Variants in NDST4 observed in about 807,000 individuals in gnomAD.
The protein encoded by NDST4 is N-deacetylase and N-sulfotransferase 4.
Under a neutral mutation model 100.8 loss-of-function variants are expected in NDST4, and 63 were observed. That is an observed-to-expected ratio of 0.62 (90% confidence interval 0.51 to 0.77). The LOEUF (loss-of-function observed/expected upper bound fraction) is 0.77, where lower values mean the gene tolerates loss of function less well. Among genes scored for constraint, NDST4 ranks in the 30% least tolerant of loss-of-function variants. The pLI is 0.00. For synonymous variants in NDST4, 377 were observed against 361.8 expected, an observed-to-expected ratio of 1.04 and a Z score of -0.48; for missense variants, 943 against 1,018.4, an observed-to-expected ratio of 0.93 and a Z score of 1.01.
intron 4 of NDST4, among the ~76,000 whole-genome samples, chr4:114,943,517 C>T (rs114193157): frequency 1.3e-5 from 2 of 152,136 alleles, no homozygotes; most frequent in African/African-American, 4.8e-5. Context: ...ACGTTTGGGG[C>T]CTTATAGTCT....
intron 9 of NDST4, 48 bp from the exon 10 acceptor site, chr4:114,846,045 G>T (rs1271592117): frequency 7.2e-7 from 1 of 1,381,308 alleles, no homozygotes; most frequent in Non-Finnish European, 1.0e-6. Context: ...AATTTTTCTT[G>T]CCATATTCTG....
intron 2 of NDST4, among the ~76,000 whole-genome samples, chr4:114,984,166 T>C (rs1560843804): frequency 2.0e-5 from 3 of 151,288 alleles, no homozygotes; most frequent in Admixed American, 6.6e-5. Context: ...ATTTATTTAT[T>C]TATTTATTTA....
chr4:115,051,490 C>T (rs1728582448), intron 2 of NDST4, among the ~76,000 whole-genome samples: 1 of 152,000 alleles, frequency 6.6e-6, no homozygotes, highest in Admixed American at 6.6e-5. Flanking sequence ...TTTAATTTGC[C>T]ACATATGAGT....
At chr4:114,896,618 G>A (rs887527466) in intron 6 of NDST4, among the ~76,000 whole-genome samples, 2 of 121,932 alleles carry the variant, frequency 1.6e-5, no homozygotes, top group Non-Finnish European at 3.3e-5. Context: ...GTGAGACTCC[G>A]TCTCAAAAAA....
At chr4:115,099,926 G>C (rs1271581502) in intron 1 of NDST4, among the ~76,000 whole-genome samples, 1 of 152,090 alleles carries the variant, frequency 6.6e-6, no homozygotes, top group Non-Finnish European at 1.5e-5. Context: ...CCATCAAAAA[G>C]TGAATGAATA....
Position 114,908,719 on chromosome 4 carries a change from G to A in NDST4, c.1536+26487C>T, listed in dbSNP as rs747044598. Among the ~76,000 whole-genome samples, 14 of 152,234 alleles carry A rather than the reference G, an allele frequency of 9.2e-5. 1 individual carries two copies. In the South Asian group the frequency reaches 2.5e-3, roughly 27 times the overall value. ...AAAAAATTGAGTAAAATCAAGAAAC[G>A]TGTTAGCACACATATATACACGTAC... On this transcript the variant is annotated intron_variant, in intron 6 of 13. Transcript: ENST00000264363.
At chr4:114,979,301 T>G (rs1443034693) in intron 2 of NDST4, among the ~76,000 whole-genome samples, 1 of 151,490 alleles carries the variant, frequency 6.6e-6, no homozygotes, top group Non-Finnish European at 1.5e-5. Context: ...ATTTTTGACT[T>G]TATTGCATCC....
intron 1 of NDST4, among the ~76,000 whole-genome samples, chr4:115,112,074 T>C: frequency 6.6e-6 from 1 of 151,162 alleles, no homozygotes; most frequent in East Asian, 2.0e-4. Context: ...ATAAACTTGC[T>C]ACTCACACAC....
intron 2 of NDST4, among the ~76,000 whole-genome samples, chr4:115,038,333 A>C (rs1445231918): frequency 3.3e-5 from 5 of 152,262 alleles, no homozygotes; most frequent in African/African-American, 1.2e-4. Flanking sequence ...TGACAGCCAA[A>C]AGGAGAAAGC....
chr4:115,076,161 T>C lies in NDST4; in HGVS notation c.876A>G (p.Ser292=), dbSNP rs2126289615. Residue 292 remains serine, a synonymous_variant, in exon 2 of 14, where the codon TCA becomes TCG. Transcript: ENST00000264363. The part of the protein sequence containing the change: ...LIFIDAISFL[S]GKRLTLSLDR... ...CCAAGGACAATGTCAGCCTCTTCCC[T>C]GACAAGAAGGAGATGGCATCTATGA... The C allele has an allele frequency of 1.9e-6, 3 of 1,613,948 alleles. No individual in the cohort carries two copies. The highest frequency in any genetic ancestry group is 2.5e-6 in the Non-Finnish European group (3 of 1,179,912).
At chr4:115,096,735 G>A (rs1004196753) in intron 1 of NDST4, among the ~76,000 whole-genome samples, 2 of 151,984 alleles carry the variant, frequency 1.3e-5, no homozygotes, top group Admixed American at 6.6e-5. Context: ...CAGGCATTCT[G>A]TTCTTTTTTA....
intron 10 of NDST4, among the ~76,000 whole-genome samples, chr4:114,842,463 CG>C (rs1482664575): frequency 6.6e-6 from 1 of 151,298 alleles, no homozygotes; most frequent in Non-Finnish European, 1.5e-5. Context: ...TCTACGAACT[CG>C]GATCAGCAAA....
At chr4:114,854,625 C>T (rs1177295450) in intron 7 of NDST4, among the ~76,000 whole-genome samples, 1 of 152,150 alleles carries the variant, frequency 6.6e-6, no homozygotes, top group Admixed American at 6.5e-5. Flanking sequence ...CGTGCCACCA[C>T]ACCCGGCTAA....
intron 2 of NDST4, among the ~76,000 whole-genome samples, chr4:115,073,312 G>C (rs1363345214): frequency 3.3e-5 from 5 of 151,876 alleles, no homozygotes; most frequent in African/African-American, 1.2e-4. Flanking sequence ...TCCTACTATT[G>C]GGTATATATC....
chr4:114,979,321 C>A (rs1341682887), intron 2 of NDST4, among the ~76,000 whole-genome samples: 1 of 151,038 alleles, frequency 6.6e-6, no homozygotes, highest in Non-Finnish European at 1.5e-5. Flanking sequence ...CATGCTCTAT[C>A]TCATGTTTTC....
At position 114,981,068 on chromosome 4, in the gene NDST4, C is replaced by A. The variant is rs999579899; in HGVS notation, c.979-3794G>T. On this transcript the variant is annotated intron_variant, in intron 2 of 13. Coordinates refer to ENST00000264363, the MANE Select transcript of NDST4 (RefSeq NM_022569.3). ...CTCTACAAAAAAATACAAAAATTAG[C>A]CTGGCATGGTGGGGTGTGTAATATA... Among the ~76,000 whole-genome samples, 21 of 152,126 alleles carry A rather than the reference C, an allele frequency of 1.4e-4. No individual in the cohort carries two copies. The East Asian group carries it at 3.9e-3, about 28-fold the overall frequency.
At chr4:115,001,882 G>A (rs1472191824) in intron 2 of NDST4, among the ~76,000 whole-genome samples, 4 of 152,220 alleles carry the variant, frequency 2.6e-5, no homozygotes, top group African/African-American at 9.6e-5. Flanking sequence ...CATGCCTAAA[G>A]GCAGCATGGT....
chr4:115,037,215 C>A (rs1728251615), intron 2 of NDST4, among the ~76,000 whole-genome samples: 1 of 152,006 alleles, frequency 6.6e-6, no homozygotes, highest in Admixed American at 6.6e-5. Flanking sequence ...AATCTGCAGT[C>A]TGGTGAACAT....
At position 115,076,068 on chromosome 4, in the gene NDST4, T is replaced by C. The variant is rs1729173569; in HGVS notation, c.969A>G (p.Lys323=). ...CTATAAATAAGCTTACCTTCACATC[T>C]TTGACATTCATCCTTGTTCCCTCTT... ...VGKEGTRMNV[K]DVKALLETQN... Residue 323 remains lysine (K), a synonymous_variant, in exon 2 of 14, where the codon AAA becomes AAG. Coordinates refer to ENST00000264363, the MANE Select transcript of NDST4 (RefSeq NM_022569.3). 1 of 1,606,528 alleles carries C rather than the reference T, an allele frequency of 6.2e-7. No individual in the cohort carries two copies. Among genetic ancestry groups the C allele is most frequent in the Admixed American group, 1.7e-5 (1 of 59,166 alleles).
Sources: gnomAD v4.1 joint callset for allele counts (sites outside exome capture counted in the v4.1 genomes callset) on GRCh38, gnomAD v4.1.1 for gene constraint, MANE v1.5 for transcripts, NCBI Gene and HGNC (gene_info 2026-07-23, HGNC 2026-07-21) for gene names.